The following MTR variants were observed in gnomAD, a reference collection of about 807,000 sequenced individuals.
The protein encoded by MTR is methionine synthase.
In MTR, 84 loss-of-function variants were observed where a neutral mutation model predicts 154.8. The observed-to-expected ratio is 0.54, with a 90% CI of 0.45 to 0.65. The LOEUF is 0.65. MTR is among the 30% of genes least tolerant of loss of function. The pLI, the probability that MTR is intolerant of heterozygous loss-of-function variation, is 0.00. For synonymous variants in MTR, 554 were observed against 553.9 expected, an observed-to-expected ratio of 1.00 and a Z score of 0.00; for missense variants, 1,275 against 1,570.2, an observed-to-expected ratio of 0.81 and a Z score of 3.18.
intron 18 of MTR, among the ~76,000 whole-genome samples, chr1:236,858,796 C>G (rs1364124472): frequency 6.6e-6 from 1 of 152,122 alleles, no homozygotes; most frequent in Non-Finnish European, 1.5e-5. Flanking sequence ...GCTGGTACCT[C>G]CAGTTGAGGT....
At chr1:236,816,579 T>C in intron 8 of MTR, 36 bp downstream of exon 8, 4 of 1,573,296 alleles carry the variant, frequency 2.5e-6, no homozygotes, top group Non-Finnish European at 3.5e-6. Context: ...TCTTTTCTTT[T>C]TTGGGGAACC....
Position 236,898,289 on chromosome 1 carries a change from A to G in MTR, c.*645A>G, listed in dbSNP as rs952575689. The G allele has an allele frequency of 6.6e-6, 1 of 152,258 alleles. No individual in the cohort carries two copies. The highest frequency in any genetic ancestry group is 1.5e-5 in the Non-Finnish European group (1 of 68,192). 9.4% of individuals were successfully genotyped at this position (152,258 alleles called of 1,614,324 possible). A position where few individuals can be genotyped will look rare whatever the true frequency, so the allele number is the denominator to read the frequency against. On this transcript the variant is annotated 3_prime_UTR_variant, in exon 33 of 33. Coordinates refer to ENST00000366577, the MANE Select transcript of MTR (RefSeq NM_000254.3). Reference sequence around the variant, plus strand: ...GGTCAAGCAGCCATGCTTTCTGGGCATTTTCGTCCTCCCATAATTTCATAT... The same window carrying G: ...GGTCAAGCAGCCATGCTTTCTGGGCGTTTTCGTCCTCCCATAATTTCATAT...
At chr1:236,846,848 A>G (rs1309945512) in intron 15 of MTR, among the ~76,000 whole-genome samples, 1 of 152,098 alleles carries the variant, frequency 6.6e-6, no homozygotes, top group Non-Finnish European at 1.5e-5. Context: ...GAAAGGCACA[A>G]ACATCCGTTT....
intron 14 of MTR, among the ~76,000 whole-genome samples, chr1:236,838,056 C>T (rs1663009822): frequency 6.6e-6 from 1 of 152,052 alleles, no homozygotes; most frequent in Admixed American, 6.5e-5. Flanking sequence ...AACCTTAATC[C>T]CTGAGTCAGA....
chr1:236,890,147 C>CG (rs542478647), intron 28 of MTR, among the ~76,000 whole-genome samples: 185 of 144,886 alleles, frequency 1.3e-3, no homozygotes, highest in Admixed American at 2.1e-3. Flanking sequence ...AAGTTTCCCA[C>CG]GGGGGGGCGT....
At chr1:236,829,045 G>A (rs756946180) in intron 11 of MTR, 144 bp from the exon 12 acceptor site, 5 of 660,536 alleles carry the variant, frequency 7.6e-6, no homozygotes, top group Non-Finnish European at 1.3e-5. Context: ...GATTGTTGCT[G>A]CACACTTGGA....
intron 15 of MTR, among the ~76,000 whole-genome samples, chr1:236,844,602 A>G (rs1663463406): frequency 6.6e-6 from 1 of 152,126 alleles, no homozygotes; most frequent in African/African-American, 2.4e-5. Flanking sequence ...TGCCAGAGCC[A>G]TGACCTTGTG....
chr1:236,820,450 CG>C (rs753920516), intron 8 of MTR: 43 of 1,398,180 alleles, frequency 3.1e-5, no homozygotes, highest in Non-Finnish European at 4.0e-5. Context: ...CAGCCTGCCA[CG>C]GAAGACTGGT....
chr1:236,871,705 C>A (rs1044264482), intron 22 of MTR, among the ~76,000 whole-genome samples: 1 of 152,118 alleles, frequency 6.6e-6, no homozygotes, highest in African/African-American at 2.4e-5. Context: ...CCTGCTATAA[C>A]CTGCAGTGGT....
chr1:236,841,753 C>T (rs755617669), intron 15 of MTR, among the ~76,000 whole-genome samples: 6 of 152,018 alleles, frequency 3.9e-5, no homozygotes, highest in African/African-American at 9.7e-5. Flanking sequence ...AGAAAATGGC[C>T]GTATTCTACT....
rs181748926 is a variant in MTR, at chr1:236,806,734, A to G, written c.339+501A>G. Among the ~76,000 whole-genome samples the G allele has an allele frequency of 7.2e-5, 11 of 152,288 alleles. No individual in the cohort carries two copies. The East Asian group carries it at 9.7e-4, about 13-fold the overall frequency. Reference sequence around the variant, plus strand: ...TGAAACTCTGTACCCATTAAACAATACCTTCCCATTCTACCCCCAACTCCA... The same window carrying G: ...TGAAACTCTGTACCCATTAAACAATGCCTTCCCATTCTACCCCCAACTCCA... On this transcript the variant is annotated intron_variant, in intron 3 of 32. Coordinates refer to ENST00000366577, the MANE Select transcript of MTR (RefSeq NM_000254.3).
Position 236,863,568 on chromosome 1 carries a change from T to C in MTR, c.2405+14T>C. The C allele has an allele frequency of 1.2e-6, 2 of 1,601,104 alleles. No homozygotes were observed. The highest frequency in any genetic ancestry group is 1.7e-6 in the Non-Finnish European group (2 of 1,168,360). Reference sequence around the variant, plus strand: ...CAATAATTTCCGGTAAGTTAGGACCTCACCTCTTTCAACCCCTTTTCCATT... The same window carrying C: ...CAATAATTTCCGGTAAGTTAGGACCCCACCTCTTTCAACCCCTTTTCCATT... On this transcript the variant is annotated intron_variant, in intron 22 of 32. Transcript: ENST00000366577.
intron 8 of MTR, chr1:236,819,732 C>T: frequency 1.4e-6 from 1 of 731,334 alleles, no homozygotes. Flanking sequence ...ACTTGACTTC[C>T]AAATGAAGCA....
At chr1:236,863,046 C>T (rs891337886) in intron 21 of MTR, among the ~76,000 whole-genome samples, 1 of 152,184 alleles carries the variant, frequency 6.6e-6, no homozygotes, top group Non-Finnish European at 1.5e-5. Context: ...TGCCCTCTGT[C>T]TGGGCTGTTG....
chr1:236,824,347 GAA>G (rs1662159300), intron 9 of MTR, 128 bp downstream of exon 9: 1 of 840,870 alleles, frequency 1.2e-6, no homozygotes, highest in Non-Finnish European at 2.0e-6. Context: ...CTTAATAAAT[GAA>G]GAGTGTCTGG....
At chr1:236,870,132 T>G (rs111282519) in intron 22 of MTR, among the ~76,000 whole-genome samples, 1 of 152,202 alleles carries the variant, frequency 6.6e-6, no homozygotes, top group South Asian at 2.1e-4. Context: ...GCAACTTCCT[T>G]TGTGCATCCC....
In MTR at chr1:236,815,129, A is replaced by G. The variant is rs376373088; in HGVS notation, c.610-475A>G. ...ATGGATACTGTTGGTTCATATACCT[A>G]CCATGTGTATGAAAGGATGTGAAAG... On this transcript the variant is annotated intron_variant, in intron 6 of 32. Transcript: ENST00000366577. Among the ~76,000 whole-genome samples the G allele has an allele frequency of 5.8e-4, 88 of 152,262 alleles. 1 individual carries two copies. The highest frequency in any genetic ancestry group is 2.0e-3 in the African/African-American group (83 of 41,560).
At chr1:236,811,629 GCT>G (rs138054845) in intron 5 of MTR, 6 of 456,198 alleles carry the variant, frequency 1.3e-5, no homozygotes, top group Non-Finnish European at 2.6e-5. Flanking sequence ...TGTTGTTGAT[GCT>G]CTCTTTGGTC....
At chr1:236,840,659 C>CT (rs1357638574) in intron 15 of MTR, among the ~76,000 whole-genome samples, 1 of 152,202 alleles carries the variant, frequency 6.6e-6, no homozygotes, top group Non-Finnish European at 1.5e-5. Context: ...TTCTGTAACT[C>CT]TTTTCCCCTG....
Sources: gnomAD v4.1 joint callset for allele counts (sites outside exome capture counted in the v4.1 genomes callset) on GRCh38, gnomAD v4.1.1 for gene constraint, MANE v1.5 for transcripts, NCBI Gene and HGNC (gene_info 2026-07-23, HGNC 2026-07-21) for gene names.